MPZL1: variants seen among roughly 807,000 people sequenced by gnomAD.
MPZL1 encodes myelin protein zero like 1, also known as myelin protein zero-like protein 1.
Under a neutral mutation model 29.3 loss-of-function variants are expected in MPZL1, and 16 were observed. That is an observed-to-expected ratio of 0.55 (90% CI 0.37 to 0.83). The LOEUF (loss-of-function observed/expected upper bound fraction) is 0.83, where lower values mean the gene tolerates loss of function less well. Among genes scored for constraint, MPZL1 ranks in the 40% least tolerant of loss-of-function variants. MPZL1 has a pLI of 0.00. For synonymous variants in MPZL1, 143 were observed against 132.0 expected, an observed-to-expected ratio of 1.08 and a Z score of -0.57; for missense variants, 279 against 332.9, an observed-to-expected ratio of 0.84 and a Z score of 1.26.
chr1:167,781,220 A>G (rs2187967), intron 5 of MPZL1, among the ~76,000 whole-genome samples: 27,564 of 152,146 alleles, frequency 0.18, 3,006 homozygotes, highest in East Asian at 0.37. Context: ...ATCAAAAAAG[A>G]TGCGGAAGAC....
At chr1:167,724,301 C>T (rs1432103944) in intron 1 of MPZL1, among the ~76,000 whole-genome samples, 1 of 152,146 alleles carries the variant, frequency 6.6e-6, no homozygotes, top group Non-Finnish European at 1.5e-5. Flanking sequence ...GGAGTTGAGG[C>T]AGGAGAGCCT....
At chr1:167,745,105 A>T (rs1040454308) in intron 1 of MPZL1, among the ~76,000 whole-genome samples, 1 of 152,118 alleles carries the variant, frequency 6.6e-6, no homozygotes, top group Admixed American at 6.6e-5. Flanking sequence ...CTCTCCTTTT[A>T]TGGTGATAAG....
Position 167,730,428 on chromosome 1 carries a change from G to C in MPZL1, c.91+8186G>C, listed in dbSNP as rs190100577. On this transcript the variant is annotated intron_variant, in intron 1 of 5. Coordinates refer to ENST00000359523, the MANE Select transcript of MPZL1 (RefSeq NM_003953.6). ...CTAATAGCTGGGATTACAGGTGCCT[G>C]CCACCACACCTGGCTAATTTTTGTG... 3.5e-3 allele frequency among the ~76,000 whole-genome samples: 537 copies of C among 152,174 alleles called. 2 individuals carry two copies. Among genetic ancestry groups the C allele is most frequent in the Non-Finnish European group, 5.9e-3 (404 of 67,978 alleles).
In MPZL1 at chr1:167,740,314, C is replaced by T. The variant is rs191122585; in HGVS notation, c.91+18072C>T. On this transcript the variant is annotated intron_variant, in intron 1 of 5. Coordinates refer to ENST00000359523, the MANE Select transcript of MPZL1 (RefSeq NM_003953.6). Reference sequence around the variant, plus strand: ...ATACTCCTTTCTTTGTATGTACACCCTCCCTTCCCACTTTCTTCTGTCCAG... The same window carrying T: ...ATACTCCTTTCTTTGTATGTACACCTTCCCTTCCCACTTTCTTCTGTCCAG... Among the ~76,000 whole-genome samples the T allele has an allele frequency of 3.9e-5, 6 of 152,278 alleles. No homozygotes were observed. In the East Asian group the frequency reaches 1.2e-3, roughly 29 times the overall value.
intron 4 of MPZL1, among the ~76,000 whole-genome samples, 188 bp from the exon 5 acceptor site, chr1:167,775,876 T>C (rs1420419748): frequency 1.3e-5 from 2 of 152,204 alleles, no homozygotes; most frequent in East Asian, 3.8e-4. Flanking sequence ...CTTAGAAGAA[T>C]GAGTGAGTGT....
At position 167,722,465 on chromosome 1, in the gene MPZL1, C is replaced by T. The variant is rs1279105234; in HGVS notation, c.91+223C>T. On this transcript the variant is annotated intron_variant, in intron 1 of 5. Coordinates refer to ENST00000359523, the MANE Select transcript of MPZL1 (RefSeq NM_003953.6). The stretch of plus-strand genomic sequence containing the variant: ...GCCTCTTTCTTCTCTTTCCTGGATC[C>T]TGGAGTGCGGAGGAGGAGGGGAGAG... 1.3e-5 allele frequency among the ~76,000 whole-genome samples: 2 copies of T among 152,218 alleles called. 1 individual carries two copies. The highest frequency in any genetic ancestry group is 2.9e-5 in the Non-Finnish European group (2 of 68,032).
intron 5 of MPZL1, among the ~76,000 whole-genome samples, chr1:167,783,698 G>C (rs1395320440): frequency 6.6e-6 from 1 of 152,214 alleles, no homozygotes; most frequent in African/African-American, 2.4e-5. Flanking sequence ...GTTAGTGGCT[G>C]AGCCAGATCT....
intron 5 of MPZL1, among the ~76,000 whole-genome samples, chr1:167,782,023 A>G (rs549597260): frequency 2.0e-5 from 3 of 152,152 alleles, no homozygotes; most frequent in South Asian, 4.1e-4. Context: ...TACTTTCTCT[A>G]TGCTCTAAGT....
chr1:167,787,999 C>T lies in MPZL1; in HGVS notation c.*78C>T. On this transcript the variant is annotated 3_prime_UTR_variant, in exon 6 of 6. Coordinates refer to ENST00000359523, the MANE Select transcript of MPZL1 (RefSeq NM_003953.6). The stretch of plus-strand genomic sequence containing the variant: ...GTGCAGAAAATGTAGCCCATTACCA[C>T]ATGTAGCCTTGGAGACCCAGGCAAG... The T allele has an allele frequency of 8.1e-7, 1 of 1,232,434 alleles. No homozygotes were observed. The highest frequency in any genetic ancestry group is 1.3e-5 in the South Asian group (1 of 79,886). 76.3% of individuals were successfully genotyped at this position (1,232,434 alleles called of 1,614,324 possible).
intron 1 of MPZL1, among the ~76,000 whole-genome samples, chr1:167,739,274 C>CATATACATATAT (rs1660452463): frequency 1.6e-4 from 13 of 83,274 alleles, no homozygotes; most frequent in African/African-American, 5.2e-4. Context: ...TACATATATA[C>CATATACATATAT]ATATATACAT....
At chr1:167,736,354 T>A (rs1660378428) in intron 1 of MPZL1, among the ~76,000 whole-genome samples, 1 of 152,182 alleles carries the variant, frequency 6.6e-6, no homozygotes, top group South Asian at 2.1e-4. Context: ...AAATGGTGAC[T>A]CCCAAATATA....
chr1:167,779,462 G>A (rs1661445679), intron 5 of MPZL1, among the ~76,000 whole-genome samples: 1 of 152,034 alleles, frequency 6.6e-6, no homozygotes, highest in South Asian at 2.1e-4. Flanking sequence ...GCAGGCGCCT[G>A]TAATCCCAGC....
intron 1 of MPZL1, among the ~76,000 whole-genome samples, chr1:167,763,046 A>G (rs565223603): frequency 1.3e-5 from 2 of 152,342 alleles, no homozygotes; most frequent in South Asian, 4.1e-4. Context: ...CTTTGGTATA[A>G]TGAAATCTGT....
intron 1 of MPZL1, among the ~76,000 whole-genome samples, chr1:167,750,025 A>G (rs1660723396): frequency 6.6e-6 from 1 of 152,242 alleles, no homozygotes; most frequent in South Asian, 2.1e-4. Context: ...TATGTTCCTA[A>G]TGTCCACACA....
intron 1 of MPZL1, among the ~76,000 whole-genome samples, chr1:167,738,213 C>T (rs988883341): frequency 6.6e-5 from 10 of 151,982 alleles, no homozygotes; most frequent in Non-Finnish European, 8.8e-5. Context: ...AGTGAGCCAC[C>T]GCGCCTGGCC....
intron 1 of MPZL1, among the ~76,000 whole-genome samples, chr1:167,747,193 A>G (rs1161589941): frequency 2.6e-5 from 4 of 152,310 alleles, no homozygotes; most frequent in Admixed American, 1.3e-4. Flanking sequence ...AGTAGAAGGA[A>G]CTAGTCTTTT....
chr1:167,783,008 A>G (rs1348506531), intron 5 of MPZL1, among the ~76,000 whole-genome samples: 1 of 152,192 alleles, frequency 6.6e-6, no homozygotes, highest in African/African-American at 2.4e-5. Context: ...TGTTTTTAAC[A>G]CCTTTAAAAT....
chr1:167,727,300 T>A (rs1266675521), intron 1 of MPZL1, among the ~76,000 whole-genome samples: 2 of 152,242 alleles, frequency 1.3e-5, no homozygotes, highest in Non-Finnish European at 2.9e-5. Flanking sequence ...CACAGTCATG[T>A]CTCTACTGGA....
chr1:167,760,392 C>T (rs964799297), intron 1 of MPZL1, among the ~76,000 whole-genome samples: 3 of 151,928 alleles, frequency 2.0e-5, no homozygotes, highest in Non-Finnish European at 4.4e-5. Flanking sequence ...TTAGTAGAGA[C>T]GGGGTTTCAC....
Sources: allele counts gnomAD v4.1 joint callset (sites outside exome capture counted in the v4.1 genomes callset), GRCh38; gene constraint gnomAD v4.1.1; transcripts MANE v1.5; gene names NCBI Gene and HGNC (gene_info 2026-07-23, HGNC 2026-07-21).